The following MSRA variants were observed in gnomAD, a reference collection of about 807,000 sequenced individuals.
The protein encoded by MSRA is mitochondrial peptide methionine sulfoxide reductase.
A neutral mutation model predicts 31.3 loss-of-function variants in MSRA; 54 were observed. The observed-to-expected ratio is 1.73, with a 90% CI of 1.39 to 2.17. MSRA has a LOEUF of 2.17. MSRA is among the 30% of genes most tolerant of loss of function. The probability of loss-of-function intolerance (pLI) is 0.00; values close to 1 mark genes in which losing one functional copy is unlikely to be tolerated. For synonymous variants in MSRA, 169 were observed against 116.5 expected (o/e 1.45, Z -2.90); for missense variants, 507 against 300.9 (o/e 1.69, Z -5.07).
chr8:10,420,571 A>T (rs896869119), intron 5 of MSRA, among the ~76,000 whole-genome samples: 9 of 152,282 alleles, frequency 5.9e-5, no homozygotes, highest in Middle Eastern at 6.8e-3. Context: ...TTACACAGCT[A>T]GGATGATGCG....
chr8:10,159,964 C>G (rs1804493804), intron 1 of MSRA, among the ~76,000 whole-genome samples: 2 of 152,018 alleles, frequency 1.3e-5, no homozygotes, highest in African/African-American at 2.4e-5. Context: ...TTGGTTTTCC[C>G]CAGGAAGATA....
intron 3 of MSRA, among the ~76,000 whole-genome samples, chr8:10,286,508 T>A (rs528932132): frequency 6.6e-6 from 1 of 152,260 alleles, no homozygotes; most frequent in African/African-American, 2.4e-5. Flanking sequence ...CATGTGGAAC[T>A]GTAAGTAGGA....
chr8:10,084,781 T>G (rs564683431), intron 1 of MSRA, among the ~76,000 whole-genome samples: 1 of 152,332 alleles, frequency 6.6e-6, no homozygotes, highest in African/African-American at 2.4e-5. Flanking sequence ...GATTGCCCTA[T>G]CCTTTTAGAA....
At chr8:10,149,485 G>C (rs535153864) in intron 1 of MSRA, among the ~76,000 whole-genome samples, 6 of 152,312 alleles carry the variant, frequency 3.9e-5, no homozygotes, top group Admixed American at 6.5e-5. Flanking sequence ...TCCAGGGCCT[G>C]TGCTGATTGA....
At chr8:10,226,546 C>G (rs866817303) in intron 2 of MSRA, among the ~76,000 whole-genome samples, 1 of 152,146 alleles carries the variant, frequency 6.6e-6, no homozygotes, top group East Asian at 1.9e-4. Context: ...CATTGGAATT[C>G]CATAGATCTC....
chr8:10,314,782 GA>G (rs1318742234), intron 4 of MSRA, among the ~76,000 whole-genome samples: 1 of 152,118 alleles, frequency 6.6e-6, no homozygotes, highest in Non-Finnish European at 1.5e-5. Flanking sequence ...CATACAATGG[GA>G]TATTATGAAG....
chr8:10,139,439 A>G (rs867775708), intron 1 of MSRA, among the ~76,000 whole-genome samples: 5 of 152,312 alleles, frequency 3.3e-5, no homozygotes, highest in African/African-American at 9.6e-5. Context: ...TCTGTTGCGT[A>G]GTGGTGAAGC....
At chr8:10,258,449 A>T (rs989528243) in intron 3 of MSRA, among the ~76,000 whole-genome samples, 7 of 152,148 alleles carry the variant, frequency 4.6e-5, no homozygotes, top group Non-Finnish European at 8.8e-5. Flanking sequence ...GGTAGGGACT[A>T]TGTCTTTTCA....
chr8:10,154,524 C>T (rs562728458), intron 1 of MSRA, among the ~76,000 whole-genome samples: 2 of 152,164 alleles, frequency 1.3e-5, no homozygotes, highest in African/African-American at 4.8e-5. Context: ...ACTACAGGCA[C>T]CCGCCACCAC....
At chr8:10,388,270 C>G (rs796612231) in intron 5 of MSRA, among the ~76,000 whole-genome samples, 9 of 152,244 alleles carry the variant, frequency 5.9e-5, no homozygotes, top group African/African-American at 2.2e-4. Context: ...GTGTAAGGTT[C>G]GTGTTGCAGA....
chr8:10,304,094 C>T (rs924282890), intron 4 of MSRA, among the ~76,000 whole-genome samples: 2 of 152,312 alleles, frequency 1.3e-5, no homozygotes, highest in African/African-American at 2.4e-5. Flanking sequence ...TGCCACCATA[C>T]CTGGCTAATT....
intron 1 of MSRA, among the ~76,000 whole-genome samples, chr8:10,174,402 G>A (rs1157026444): frequency 1.3e-5 from 2 of 152,100 alleles, no homozygotes; most frequent in Admixed American, 6.5e-5. Flanking sequence ...CCGGGAGCAA[G>A]TCTATGTGTT....
rs1679556106 is a variant in MSRA at position 10,054,484 on chromosome 8, C to A, written c.-33C>A. 8 of 1,548,662 alleles carry A rather than the reference C, an allele frequency of 5.2e-6. No homozygotes were observed. In the Admixed American group the frequency reaches 1.1e-4, roughly 22 times the overall value. ...GCGGCTCCGCTGCCGGTAGCGCCGT[C>A]CCCCGGGACCACCCTTCGGCTGGCG... On this transcript the variant is annotated 5_prime_UTR_variant, in exon 1 of 6. Coordinates refer to ENST00000317173, the MANE Select transcript of MSRA (RefSeq NM_012331.5).
At chr8:10,115,957 G>C (rs1402866682) in intron 1 of MSRA, among the ~76,000 whole-genome samples, 1 of 152,220 alleles carries the variant, frequency 6.6e-6, no homozygotes, top group Non-Finnish European at 1.5e-5. Context: ...GGCCAGAATA[G>C]TTGCCGTCCC....
At chr8:10,401,496 CAGTT>C (rs1486780939) in intron 5 of MSRA, among the ~76,000 whole-genome samples, 3 of 152,204 alleles carry the variant, frequency 2.0e-5, no homozygotes, top group South Asian at 2.1e-4. Flanking sequence ...ACTGTGGAAA[CAGTT>C]AGACAGTTCC....
intron 1 of MSRA, among the ~76,000 whole-genome samples, chr8:10,060,131 T>A (rs1802627946): frequency 6.6e-6 from 1 of 151,996 alleles, no homozygotes; most frequent in African/African-American, 2.4e-5. Context: ...TGGACATAAC[T>A]GCTATGCATG....
At chr8:10,215,701 C>T (rs914831840) in intron 2 of MSRA, among the ~76,000 whole-genome samples, 2 of 152,162 alleles carry the variant, frequency 1.3e-5, no homozygotes, top group Non-Finnish European at 2.9e-5. Context: ...CCAAGTGAGA[C>T]TGGTTGTTTG....
intron 2 of MSRA, among the ~76,000 whole-genome samples, chr8:10,224,873 G>A (rs750524459): frequency 2.0e-5 from 3 of 152,120 alleles, no homozygotes; most frequent in Non-Finnish European, 2.9e-5. Flanking sequence ...TACTAGGGCC[G>A]GGCGCAGTGG....
chr8:10,311,477 G>A (rs1433074428), intron 4 of MSRA, among the ~76,000 whole-genome samples: 1 of 152,080 alleles, frequency 6.6e-6, no homozygotes. Flanking sequence ...ACACCTGGGG[G>A]GGCGCCTTCT....
Sources: gnomAD v4.1 joint callset for allele counts (sites outside exome capture counted in the v4.1 genomes callset) on GRCh38, gnomAD v4.1.1 for gene constraint, MANE v1.5 for transcripts, NCBI Gene and HGNC (gene_info 2026-07-23, HGNC 2026-07-21) for gene names.